Variants in DTX3L observed in about 807,000 individuals in gnomAD.
DTX3L encodes E3 ubiquitin-protein ligase DTX3L.
A neutral mutation model predicts 60.9 loss-of-function variants in DTX3L; 34 were observed. The observed-to-expected ratio is 0.56, with a 90% confidence interval of 0.42 to 0.74. DTX3L has a LOEUF of 0.74. Ranked by LOEUF, DTX3L falls within the 30% of genes least tolerant of loss-of-function variation. The probability of loss-of-function intolerance (pLI) is 0.00; values close to 1 mark genes in which losing one functional copy is unlikely to be tolerated. For missense variants in DTX3L, 810 were observed against 874.0 expected, an observed-to-expected ratio of 0.93 and a Z score of 0.92; for synonymous variants, 290 against 316.6, an observed-to-expected ratio of 0.92 and a Z score of 0.89.
chr3:122,571,741 T>G lies in DTX3L; in HGVS notation c.2217T>G (p.Ile739Met). The change falls in exon 5 of 5, where the codon ATT becomes ATG. Residue 739 changes from isoleucine to methionine, a missense_variant. Coordinates refer to ENST00000296161, the MANE Select transcript of DTX3L (RefSeq NM_138287.3). ...RVKEELKAKG[I>M]E is the part of the protein sequence containing the mutation. ...AAGAGGAGCTGAAAGCCAAAGGAAT[T>G]GAGTAAGACAACTGCTGGAAGATGT... The G allele has an allele frequency of 6.2e-7, 1 of 1,612,346 alleles. No individual in the cohort carries two copies. Among genetic ancestry groups the G allele is most frequent in the Non-Finnish European group, 8.5e-7 (1 of 1,178,926 alleles).
rs1032925046 is a variant in DTX3L, at chr3:122,573,401, C to G, written c.*1654C>G. On this transcript the variant is annotated 3_prime_UTR_variant, in exon 5 of 5. Coordinates refer to ENST00000296161, the MANE Select transcript of DTX3L (RefSeq NM_138287.3). Reference sequence around the variant, plus strand: ...GGATATTTGCCTCCTAAATCTTTGGCAGAGGCAGGAGTAAGGAAGCCATTT... The same window carrying G: ...GGATATTTGCCTCCTAAATCTTTGGGAGAGGCAGGAGTAAGGAAGCCATTT... 14 of 152,340 alleles carry G rather than the reference C, an allele frequency of 9.2e-5. No individual in the cohort carries two copies. Among genetic ancestry groups the G allele is most frequent in the African/African-American group, 3.4e-4 (14 of 41,580 alleles). 9.4% of individuals were successfully genotyped at this position (152,340 alleles called of 1,614,324 possible). A position where few individuals can be genotyped will look rare whatever the true frequency, so the allele number is the denominator to read the frequency against.
At position 122,571,884 on chromosome 3, in the gene DTX3L, A is replaced by G; in HGVS notation, c.*137A>G. 1.5e-6 allele frequency: 1 copy of G among 669,408 alleles called. No homozygotes were observed. The highest frequency in any genetic ancestry group is 2.3e-5 in the South Asian group (1 of 44,286). The allele number at this position is 669,408 out of a possible 1,614,324, so 41.5% of individuals were successfully genotyped here. On this transcript the variant is annotated 3_prime_UTR_variant, in exon 5 of 5. Transcript: ENST00000296161. ...TCAAGAAATGGTTTGTATAAGAATA[A>G]CAATCTGCTAGTCTGTCATTTCTGG...
At chr3:122,567,045 G>A (rs1451563461) in intron 2 of DTX3L, among the ~76,000 whole-genome samples, 1 of 152,174 alleles carries the variant, frequency 6.6e-6, no homozygotes, top group Non-Finnish European at 1.5e-5. Flanking sequence ...CTAGAGGGAA[G>A]CATAGGTGCA....
Position 122,570,246 on chromosome 3 carries a change from A to G in DTX3L, c.1936-209A>G, listed in dbSNP as rs970151561. The G allele has an allele frequency of 6.9e-6, 5 of 725,668 alleles. No homozygotes were observed. In the African/African-American group the frequency reaches 7.1e-5, roughly 10 times the overall value. 45.0% of individuals were successfully genotyped at this position (725,668 alleles called of 1,614,324 possible). On this transcript the variant is annotated intron_variant, in intron 3 of 4. Coordinates refer to ENST00000296161, the MANE Select transcript of DTX3L (RefSeq NM_138287.3). ...CAGAGAAAGGGTGGGTGGAGATTATATCTTGAGATGGGGGTATCAGGAAGG... is the reference window on the plus strand; with the variant it reads ...CAGAGAAAGGGTGGGTGGAGATTATGTCTTGAGATGGGGGTATCAGGAAGG...
At chr3:122,570,293 A>G in intron 3 of DTX3L, 162 bp from the exon 4 acceptor site, 2 of 805,022 alleles carry the variant, frequency 2.5e-6, no homozygotes, top group Non-Finnish European at 3.9e-6. Context: ...TCCAGCATGA[A>G]TTCAAGGAAA....
rs770092471 is a variant in DTX3L at position 122,565,869 on chromosome 3, A to G, written c.198A>G (p.Arg66=). 2 of 1,614,024 alleles carry G rather than the reference A, an allele frequency of 1.2e-6. No homozygotes were observed. The highest frequency in any genetic ancestry group is 2.2e-5 in the East Asian group (1 of 44,880). ...ATGTCTCCACTGAAGCTAAGGAGAGAGTGTTGAAAAAAGGAGAGCACCAAA... is the reference window on the plus strand; with the variant it reads ...ATGTCTCCACTGAAGCTAAGGAGAGGGTGTTGAAAAAAGGAGAGCACCAAA... ...VEFSERAAKE[R]VLKKGEHQIL... is the part of the protein sequence containing the mutation. Residue 66 remains arginine (R), a synonymous_variant, in exon 2 of 5, where the codon AGA becomes AGG. Transcript: ENST00000296161.
intron 2 of DTX3L, among the ~76,000 whole-genome samples, chr3:122,567,754 A>G (rs941459320): frequency 5.9e-5 from 9 of 152,204 alleles, no homozygotes; most frequent in Non-Finnish European, 1.2e-4. Flanking sequence ...GGCCACAACA[A>G]CTTGCCCAGA....
At chr3:122,570,124 G>A in intron 3 of DTX3L, 100 bp downstream of exon 3, 1 of 1,285,470 alleles carries the variant, frequency 7.8e-7, no homozygotes, top group Non-Finnish European at 1.1e-6. Flanking sequence ...ATTTCCCAAG[G>A]AATTATCTCC....
At chr3:122,566,091 C>T in intron 2 of DTX3L, 21 bp downstream of exon 2, 1 of 1,604,122 alleles carries the variant, frequency 6.2e-7, no homozygotes. Context: ...AAAGAAGGAG[C>T]TGGCTGTGCC....
At chr3:122,571,363 C>T (rs1019000082) in intron 4 of DTX3L, among the ~76,000 whole-genome samples, 2 of 152,070 alleles carry the variant, frequency 1.3e-5, no homozygotes, top group Non-Finnish European at 2.9e-5. Context: ...AGTAAATCAA[C>T]GTATTACTAT....
chr3:122,566,167 C>T (rs1228479814), intron 2 of DTX3L, 97 bp downstream of exon 2: 1 of 1,048,400 alleles, frequency 9.5e-7, no homozygotes, highest in East Asian at 2.5e-5. Context: ...TGGGCACGTA[C>T]ATGGGAGCCA....
At chr3:122,570,331 T>C in intron 3 of DTX3L, 124 bp from the exon 4 acceptor site, 7 of 974,920 alleles carry the variant, frequency 7.2e-6, no homozygotes, top group Non-Finnish European at 1.1e-5. Context: ...ATTGGGAATA[T>C]GAGCATAACT....
chr3:122,570,035 C>G lies in DTX3L; in HGVS notation c.1935+11C>G. The G allele has an allele frequency of 6.2e-7, 1 of 1,612,598 alleles. No homozygotes were observed. The highest frequency in any genetic ancestry group is 8.5e-7 in the Non-Finnish European group (1 of 1,179,660). On this transcript the variant is annotated intron_variant, in intron 3 of 4. Transcript: ENST00000296161. ...GCAGGCATACAAACAGTAAGTATTT[C>G]TCAAGTCCATGGGTTTCTTGCCACT...
rs564743214 is a variant in DTX3L at position 122,571,952 on chromosome 3, G to A, written c.*205G>A. 6.5e-4 allele frequency: 259 copies of A among 395,848 alleles called. No homozygotes were observed. Among genetic ancestry groups the A allele is most frequent in the East Asian group, 2.3e-3 (53 of 22,760 alleles). 24.5% of individuals were successfully genotyped at this position (395,848 alleles called of 1,614,324 possible). On this transcript the variant is annotated 3_prime_UTR_variant, in exon 5 of 5. Transcript: ENST00000296161. ...TGAGACGGAGTCTGCTCTGTCGCTC[G>A]CGCTGGAGTGCAGTGGCATGATCTC...
rs2080667176 is a variant in DTX3L, at chr3:122,574,173, T to C, written c.*2426T>C. ...TTTAACAGACAAAATAAACTTACTC[T>C]AGTTTCCATCTCTATCATTTTATAA... On this transcript the variant is annotated 3_prime_UTR_variant, in exon 5 of 5. Coordinates refer to ENST00000296161, the MANE Select transcript of DTX3L (RefSeq NM_138287.3). 6.6e-6 allele frequency: 1 copy of C among 152,178 alleles called. No homozygotes were observed. The highest frequency in any genetic ancestry group is 2.4e-5 in the African/African-American group (1 of 41,446). 9.4% of individuals were successfully genotyped at this position (152,178 alleles called of 1,614,324 possible).
rs2080671528 is a variant in DTX3L, at chr3:122,574,819, A to C, written c.*3072A>C. On this transcript the variant is annotated 3_prime_UTR_variant, in exon 5 of 5. Transcript: ENST00000296161. ...AGAAATGGATTCCCACACAGTATTC[A>C]AAGCAAATTTCCCCAGAGGAAATCC... The C allele has an allele frequency of 6.6e-6, 1 of 152,228 alleles. No homozygotes were observed. The highest frequency in any genetic ancestry group is 2.1e-4 in the South Asian group (1 of 4,828). The allele number at this position is 152,228 out of a possible 1,614,324, so 9.4% of individuals were successfully genotyped here. A position where few individuals can be genotyped will look rare whatever the true frequency, so the allele number is the denominator to read the frequency against.
chr3:122,566,073 G>A lies in DTX3L; in HGVS notation c.399+3G>A. 6.2e-7 allele frequency: 1 copy of A among 1,613,664 alleles called. No individual in the cohort carries two copies. Among genetic ancestry groups the A allele is most frequent in the South Asian group, 1.1e-5 (1 of 91,050 alleles). Reference sequence around the variant, plus strand: ...CTGTGGATTCCTGTCTCCAAAAGGTGAGTATTGAAAGAAGGAGCTGGCTGT... The same window carrying A: ...CTGTGGATTCCTGTCTCCAAAAGGTAAGTATTGAAAGAAGGAGCTGGCTGT... On this transcript the variant is annotated splice_donor_region_variant and intron_variant, in intron 2 of 4. Transcript: ENST00000296161.
intron 2 of DTX3L, among the ~76,000 whole-genome samples, 167 bp from the exon 3 acceptor site, chr3:122,568,310 GAAATAAATAAAT>G (rs10561562): frequency 0.28 from 41,151 of 148,270 alleles, 5,814 homozygotes; most frequent in Admixed American, 0.33. Context: ...ACTCCATCTT[GAAATAAATAAAT>G]AAATAAATAA....
At chr3:122,567,326 A>G (rs2080599048) in intron 2 of DTX3L, among the ~76,000 whole-genome samples, 1 of 152,138 alleles carries the variant, frequency 6.6e-6, no homozygotes, top group Non-Finnish European at 1.5e-5. Flanking sequence ...GAAAGGGGAT[A>G]GAATGGAGAG....
Sources: allele counts gnomAD v4.1 joint callset (sites outside exome capture counted in the v4.1 genomes callset), GRCh38; gene constraint gnomAD v4.1.1; transcripts MANE v1.5; gene names NCBI Gene and HGNC (gene_info 2026-07-23, HGNC 2026-07-21).